CALD1: variants seen among roughly 807,000 people sequenced by gnomAD.
CALD1 encodes the protein caldesmon.
Under a neutral mutation model 99.9 loss-of-function variants are expected in CALD1, and 33 were observed. That is an observed-to-expected ratio of 0.33 (90% CI 0.25 to 0.44). CALD1 has a LOEUF of 0.44. CALD1 is among the 20% of genes least tolerant of loss of function. CALD1 has a pLI of 1.00. For missense variants in CALD1, 861 were observed against 962.1 expected, an observed-to-expected ratio of 0.89 and a Z score of 1.39; for synonymous variants, 310 against 325.0, an observed-to-expected ratio of 0.95 and a Z score of 0.50.
chr7:134,711,797 A>G, the CALD1 span, among the ~76,000 whole-genome samples: 4 of 149,756 alleles, frequency 2.7e-5, no homozygotes, highest in African/African-American at 9.9e-5. Flanking sequence ...GAAAACTATA[A>G]CTAATACAGG....
intron 3 of CALD1, among the ~76,000 whole-genome samples, chr7:134,916,818 G>A (rs951108824): frequency 2.0e-5 from 3 of 152,188 alleles, no homozygotes; most frequent in Non-Finnish European, 4.4e-5. Context: ...CTTTAGTATT[G>A]CATCACATGA....
intron 1 of CALD1, among the ~76,000 whole-genome samples, chr7:134,840,315 ACCTTCT>A (rs1324699117): frequency 6.6e-6 from 1 of 152,148 alleles, no homozygotes; most frequent in Non-Finnish European, 1.5e-5. Flanking sequence ...GGGTTGTCTT[ACCTTCT>A]GGTTGTTTTG....
At chr7:134,829,719 G>C (rs1799144102) in intron 1 of CALD1, among the ~76,000 whole-genome samples, 1 of 152,220 alleles carries the variant, frequency 6.6e-6, no homozygotes, top group South Asian at 2.1e-4. Flanking sequence ...TTAAGCATGG[G>C]AGTGACATGA....
intron 1 of CALD1, among the ~76,000 whole-genome samples, chr7:134,771,951 A>G (rs6949361): frequency 0.63 from 95,004 of 151,858 alleles, 31,868 homozygotes; most frequent in East Asian, 0.88. Context: ...ACTGCCTGAC[A>G]TTATATATTC....
At chr7:134,883,977 C>T (rs1384031873) in intron 3 of CALD1, among the ~76,000 whole-genome samples, 5 of 152,196 alleles carry the variant, frequency 3.3e-5, no homozygotes, top group Admixed American at 6.5e-5. Context: ...TGGCACATGC[C>T]TGTAATCCCA....
intron 3 of CALD1, among the ~76,000 whole-genome samples, chr7:134,910,182 C>T (rs1803695678): frequency 6.6e-6 from 1 of 152,082 alleles, no homozygotes; most frequent in Non-Finnish European, 1.5e-5. Context: ...ATCACTAGCC[C>T]CGTAGAGATC....
rs76569220 is a variant in CALD1 at position 134,948,720 on chromosome 7, T to C, written c.1794+951T>C. ...CAATGGCATTTTGACAAGGATCCTA[T>C]GCAAAATTTTCCTGAACTGTATGGA... is the stretch of plus-strand genomic sequence containing the variant. On this transcript the variant is annotated intron_variant, in intron 8 of 14. Transcript: ENST00000361675. Among the ~76,000 whole-genome samples the C allele has an allele frequency of 1.7e-4, 26 of 152,272 alleles. No homozygotes were observed. The East Asian group carries it at 5.0e-3, about 29-fold the overall frequency.
At chr7:134,885,121 C>T (rs745596727) in intron 3 of CALD1, among the ~76,000 whole-genome samples, 4 of 151,882 alleles carry the variant, frequency 2.6e-5, no homozygotes, top group South Asian at 2.1e-4. Context: ...TTAACAGAGA[C>T]GGGGTTTCAC....
rs572956617 is a variant in CALD1, at chr7:134,956,800, T to C, written c.1936-1269T>C. Among the ~76,000 whole-genome samples, 174 of 152,310 alleles carry C rather than the reference T, an allele frequency of 1.1e-3. 1 individual carries two copies. The highest frequency in any genetic ancestry group is 4.0e-3 in the African/African-American group (167 of 41,570). On this transcript the variant is annotated intron_variant, in intron 9 of 14. Transcript: ENST00000361675. ...CGTGCATGTGCTTTGGCACATGCAG[T>C]CATAAGCAAAGAAGGTATTTGCTCA...
intron 14 of CALD1, among the ~76,000 whole-genome samples, chr7:134,967,633 G>A (rs1348106992): frequency 5.3e-5 from 8 of 152,114 alleles, no homozygotes; most frequent in Admixed American, 4.6e-4. Context: ...ACATTGATGT[G>A]GCCCTCACTG....
At chr7:134,773,985 A>G (rs1585906427) in intron 1 of CALD1, among the ~76,000 whole-genome samples, 2 of 152,120 alleles carry the variant, frequency 1.3e-5, no homozygotes, top group Non-Finnish European at 2.9e-5. Flanking sequence ...CCTGGCCAAC[A>G]TGGGGAAACC....
the CALD1 span, among the ~76,000 whole-genome samples, chr7:134,715,213 T>G: frequency 6.6e-6 from 1 of 152,326 alleles, no homozygotes; most frequent in South Asian, 2.1e-4. Context: ...TTTAACATAC[T>G]AGAGACCACC....
chr7:134,863,542 G>A (rs1563052314), intron 2 of CALD1, among the ~76,000 whole-genome samples: 1 of 152,172 alleles, frequency 6.6e-6, no homozygotes, highest in Non-Finnish European at 1.5e-5. Context: ...AGGTGACACA[G>A]GTGAGCATAC....
At chr7:134,776,381 CTCTTT>C (rs956576445), upstream of CALD1, among the ~76,000 whole-genome samples, 4 of 152,094 alleles carry the variant, frequency 2.6e-5, no homozygotes, top group Non-Finnish European at 1.5e-5. Flanking sequence ...GACGATCTTT[CTCTTT>C]TCTTTTTTCT....
chr7:134,862,482 T>C (rs1360131637), intron 2 of CALD1, among the ~76,000 whole-genome samples: 1 of 152,178 alleles, frequency 6.6e-6, no homozygotes, highest in African/African-American at 2.4e-5. Flanking sequence ...ACAGACATAC[T>C]GTATGATTCC....
At chr7:134,744,309 CTG>C (rs901831661) in exon 1 of CALD1, 6 of 152,174 alleles carry the variant, frequency 3.9e-5, no homozygotes, top group African/African-American at 1.4e-4. Context: ...GGAGGCAAGA[CTG>C]GGTCTACCTC....
chr7:134,962,278 T>C (rs904609541), intron 13 of CALD1: 4 of 149,844 alleles, frequency 2.7e-5, no homozygotes, highest in African/African-American at 9.9e-5. Context: ...AATGCAGTTA[T>C]GATTATGATA....
chr7:134,803,922 CT>C (rs774387936), intron 1 of CALD1, among the ~76,000 whole-genome samples: 186 of 152,286 alleles, frequency 1.2e-3, no homozygotes, highest in Non-Finnish European at 2.1e-3. Flanking sequence ...TCTCAAACTC[CT>C]GACCTCAGGT....
chr7:134,941,235 C>G lies in CALD1; in HGVS notation c.1530C>G (p.Phe510Leu), dbSNP rs780137517. 1.3e-6 allele frequency: 2 copies of G among 1,587,484 alleles called. No homozygotes were observed. Among genetic ancestry groups the G allele is most frequent in the East Asian group, 4.5e-5 (2 of 44,278 alleles). The change falls in exon 7 of 15, where the codon TTC becomes TTG. Residue 510 changes from phenylalanine to leucine, a missense_variant and splice_region_variant. Phe to Leu is a conservative substitution (Grantham distance 22). Coordinates refer to ENST00000361675, the MANE Select transcript of CALD1 (RefSeq NM_033138.4). ...AACTTAAACATACTGAGAATACTTT[C>G]AGGTAAGAAGTAGCAACTAGTTAAT... ...THKLKHTENT[F>L]SRPGGRASVD...
Sources: gnomAD v4.1 joint callset for allele counts (sites outside exome capture counted in the v4.1 genomes callset) on GRCh38, gnomAD v4.1.1 for gene constraint, MANE v1.5 for transcripts, NCBI Gene and HGNC (gene_info 2026-07-23, HGNC 2026-07-21) for gene names.